Variants in GNA14 observed in about 807,000 individuals in gnomAD.
The protein encoded by GNA14 is G protein subunit alpha 14, also known as guanine nucleotide-binding protein subunit alpha-14.
A neutral mutation model predicts 42.0 loss-of-function variants in GNA14; 50 were observed. The ratio of observed to expected loss-of-function variants is 1.19; its 90% CI spans 0.95 to 1.51. The LOEUF (loss-of-function observed/expected upper bound fraction) is 1.51. GNA14 is among the 40% of genes most tolerant of loss of function. The pLI, the probability that GNA14 is intolerant of heterozygous loss-of-function variation, is 0.00. For missense variants in GNA14, 473 were observed against 446.2 expected (o/e 1.06, Z -0.54); for synonymous variants, 173 against 163.1 (o/e 1.06, Z -0.46).
chr9:77,536,850 C>A (rs929371455), intron 1 of GNA14, among the ~76,000 whole-genome samples: 1 of 152,118 alleles, frequency 6.6e-6, no homozygotes, highest in Non-Finnish European at 1.5e-5. Context: ...GTTTTAATCA[C>A]AGAGAATTTT....
chr9:77,437,778 A>G (rs750926306), intron 2 of GNA14, among the ~76,000 whole-genome samples: 64 of 152,304 alleles, frequency 4.2e-4, no homozygotes, highest in African/African-American at 9.6e-4. Flanking sequence ...AGTGACTACA[A>G]TGAACACAGA....
intron 2 of GNA14, among the ~76,000 whole-genome samples, chr9:77,511,882 T>C (rs1030843962): frequency 6.6e-6 from 1 of 152,132 alleles, no homozygotes; most frequent in Non-Finnish European, 1.5e-5. Flanking sequence ...GGCCTCTAAT[T>C]TGGCACAAAA....
chr9:77,494,880 A>G (rs1251442826), intron 2 of GNA14, among the ~76,000 whole-genome samples: 1 of 152,030 alleles, frequency 6.6e-6, no homozygotes, highest in Non-Finnish European at 1.5e-5. Flanking sequence ...GCTCACTGCA[A>G]CCTCTGTCTC....
intron 2 of GNA14, among the ~76,000 whole-genome samples, chr9:77,509,328 A>G (rs1351135488): frequency 2.0e-5 from 3 of 152,270 alleles, no homozygotes; most frequent in African/African-American, 7.2e-5. Context: ...TATATACCAC[A>G]TTTTGTTTAC....
intron 1 of GNA14, among the ~76,000 whole-genome samples, chr9:77,574,951 C>T (rs1042094187): frequency 2.6e-5 from 4 of 152,204 alleles, no homozygotes; most frequent in Admixed American, 6.5e-5. Context: ...GCCTCACACC[C>T]AACTTTCTGT....
chr9:77,617,330 T>G (rs1391068575), intron 1 of GNA14, among the ~76,000 whole-genome samples: 1 of 152,094 alleles, frequency 6.6e-6, no homozygotes, highest in Non-Finnish European at 1.5e-5. Context: ...TCTCAGTAAG[T>G]GACACTACCA....
At chr9:77,499,557 A>G (rs1836930623) in intron 2 of GNA14, among the ~76,000 whole-genome samples, 1 of 152,146 alleles carries the variant, frequency 6.6e-6, no homozygotes, top group Non-Finnish European at 1.5e-5. Context: ...ATATATAAAC[A>G]TTTAAAAGAA....
intron 2 of GNA14, among the ~76,000 whole-genome samples, chr9:77,451,849 C>G (rs1835906911): frequency 6.6e-6 from 1 of 152,210 alleles, no homozygotes; most frequent in Admixed American, 6.5e-5. Flanking sequence ...CTCAAAGTTA[C>G]ACAGACATTT....
chr9:77,621,590 C>T (rs1823923177), intron 1 of GNA14, among the ~76,000 whole-genome samples: 1 of 152,134 alleles, frequency 6.6e-6, no homozygotes, highest in Admixed American at 6.5e-5. Flanking sequence ...ACCTGCCCCA[C>T]CCGTTAATAT....
chr9:77,532,779 G>T (rs1587820416), intron 1 of GNA14, among the ~76,000 whole-genome samples: 1 of 152,042 alleles, frequency 6.6e-6, no homozygotes, highest in Non-Finnish European at 1.5e-5. Flanking sequence ...TTTCTCACCC[G>T]CACCCCCACA....
intron 1 of GNA14, among the ~76,000 whole-genome samples, chr9:77,608,463 T>A (rs1823673133): frequency 6.6e-6 from 1 of 152,170 alleles, no homozygotes; most frequent in Admixed American, 6.5e-5. Context: ...CTCCTGGCTC[T>A]CTGGAAAGGC....
At chr9:77,544,146 G>C (rs1837692568) in intron 1 of GNA14, among the ~76,000 whole-genome samples, 1 of 152,112 alleles carries the variant, frequency 6.6e-6, no homozygotes, top group Non-Finnish European at 1.5e-5. Context: ...CTCCCATAAA[G>C]AGTTACACAA....
intron 1 of GNA14, among the ~76,000 whole-genome samples, chr9:77,533,193 T>C (rs1010961959): frequency 1.3e-5 from 2 of 152,204 alleles, no homozygotes; most frequent in Non-Finnish European, 2.9e-5. Flanking sequence ...ATATATATTT[T>C]GGAGACAGAG....
chr9:77,467,385 CCT>C (rs1196859081), intron 2 of GNA14, among the ~76,000 whole-genome samples: 1 of 151,620 alleles, frequency 6.6e-6, no homozygotes, highest in Non-Finnish European at 1.5e-5. Flanking sequence ...AACCCATGAC[CCT>C]CTCTGATTGT....
At chr9:77,496,036 C>T (rs1285266500) in intron 2 of GNA14, among the ~76,000 whole-genome samples, 1 of 152,126 alleles carries the variant, frequency 6.6e-6, no homozygotes, top group Non-Finnish European at 1.5e-5. Context: ...GAGTGATGTC[C>T]GTGACAAGTT....
chr9:77,475,044 T>TTTTTTTTTTTTTTGA (rs1406794078), intron 2 of GNA14, among the ~76,000 whole-genome samples: 3 of 151,156 alleles, frequency 2.0e-5, no homozygotes, highest in Admixed American at 6.6e-5. Context: ...GTTTCTTTTA[T>TTTTTTTTTTTTTTGA]GGGGGACATA....
intron 1 of GNA14, among the ~76,000 whole-genome samples, chr9:77,608,594 C>A (rs1215557963): frequency 6.6e-6 from 1 of 152,128 alleles, no homozygotes; most frequent in Non-Finnish European, 1.5e-5. Context: ...GCCCCCTTGA[C>A]CTGTGGTAAG....
intron 1 of GNA14, among the ~76,000 whole-genome samples, chr9:77,548,982 C>G (rs1310195534): frequency 6.6e-6 from 1 of 151,986 alleles, no homozygotes. Flanking sequence ...GCTCTATTGC[C>G]AGGCTGGAGT....
At chr9:77,563,218 C>A (rs904509170) in intron 1 of GNA14, among the ~76,000 whole-genome samples, 5 of 152,106 alleles carry the variant, frequency 3.3e-5, no homozygotes, top group Non-Finnish European at 5.9e-5. Flanking sequence ...AACAATGAAA[C>A]CTAAGGCAGA....
Sources: allele counts gnomAD v4.1 joint callset (sites outside exome capture counted in the v4.1 genomes callset), GRCh38; gene constraint gnomAD v4.1.1; transcripts MANE v1.5; gene names NCBI Gene and HGNC (gene_info 2026-07-23, HGNC 2026-07-21).